Variants in C21orf58 observed in about 807,000 individuals in gnomAD.
The protein encoded by C21orf58 is chromosome 21 open reading frame 58, also known as uncharacterized protein C21orf58.
In C21orf58, 34 loss-of-function variants were observed where a neutral mutation model predicts 35.8. The ratio of observed to expected loss-of-function variants is 0.95; its 90% CI spans 0.72 to 1.26. The LOEUF (loss-of-function observed/expected upper bound fraction) is 1.26. C21orf58 is among the 50% of genes most tolerant of loss of function. The pLI, the probability that C21orf58 is intolerant of heterozygous loss-of-function variation, is 0.00. For synonymous variants in C21orf58, 191 were observed against 175.8 expected, an observed-to-expected ratio of 1.09 and a Z score of -0.68; for missense variants, 440 against 414.3, an observed-to-expected ratio of 1.06 and a Z score of -0.54.
chr21:46,303,745 A>ATATT (rs2082273893), intron 6 of C21orf58, among the ~76,000 whole-genome samples: 1 of 23,820 alleles, frequency 4.2e-5, no homozygotes, highest in African/African-American at 1.7e-4. Context: ...ATATATATAT[A>ATATT]TTTTTTTTTT....
chr21:46,306,896 T>G (rs2082442174), intron 6 of C21orf58, among the ~76,000 whole-genome samples: 1 of 141,880 alleles, frequency 7.0e-6, no homozygotes, highest in South Asian at 2.3e-4. Flanking sequence ...CCTCCCCTTA[T>G]TTTTATTTAT....
At position 46,322,718 on chromosome 21, in the gene C21orf58, A is replaced by G. The variant is rs1569143694; in HGVS notation, c.21T>C (p.Pro7=). 6.4e-7 allele frequency: 1 copy of G among 1,553,478 alleles called. No individual in the cohort carries two copies. Among genetic ancestry groups the G allele is most frequent in the Non-Finnish European group, 8.7e-7 (1 of 1,148,504 alleles). The change falls in exon 1 of 8, where the codon CCT becomes CCC. Residue 7 remains proline (P), a synonymous_variant. Transcript: ENST00000291691. MARSRL[P]ATSLRKPWKL... ...TCCACGGCTTCCTGAGGGAGGTTGC[A>G]GGGAGCCGAGATCGCGCCATTGCGC... is the stretch of plus-strand genomic sequence containing the variant.
chr21:46,305,189 C>T (rs765822058), intron 6 of C21orf58, among the ~76,000 whole-genome samples: 7 of 151,948 alleles, frequency 4.6e-5, no homozygotes, highest in South Asian at 2.1e-4. Context: ...CGTAGTCCGA[C>T]GGGTGGAGTC....
rs1361791067 is a variant in C21orf58, at chr21:46,314,851, C to T, written c.474G>A (p.Arg158=). 2 of 1,550,374 alleles carry T rather than the reference C, an allele frequency of 1.3e-6. No individual in the cohort carries two copies. Among genetic ancestry groups the T allele is most frequent in the Non-Finnish European group, 1.7e-6 (2 of 1,146,900 alleles). ...REQHLLDELS[R]AQAWSGPSRG... is the part of the protein sequence containing the mutation. ...TGCTTGGCCCGCTCCAGGCCTGGGC[C>T]CGAGAGAGCTCGTCCAGGAGGTGTT... is the stretch of plus-strand genomic sequence containing the variant. Residue 158 remains arginine (R), a synonymous_variant, in exon 5 of 8, where the codon CGG becomes CGA. Coordinates refer to ENST00000291691, the MANE Select transcript of C21orf58 (RefSeq NM_058180.5).
chr21:46,308,471 A>G lies in C21orf58; in HGVS notation c.721+2985T>C, dbSNP rs370290604. ...GTGAGACTCCATCTCAAAAAAAAAGAGTTAAATCTCATATGATTCAGACAT... is the reference window on the plus strand; with the variant it reads ...GTGAGACTCCATCTCAAAAAAAAAGGGTTAAATCTCATATGATTCAGACAT... On this transcript the variant is annotated intron_variant, in intron 6 of 7. Coordinates refer to ENST00000291691, the MANE Select transcript of C21orf58 (RefSeq NM_058180.5). 2.4e-4 allele frequency among the ~76,000 whole-genome samples: 37 copies of G among 152,188 alleles called. No homozygotes were observed. In the South Asian group the frequency reaches 7.5e-3, roughly 31 times the overall value.
chr21:46,322,593 C>G (rs781384407), intron 1 of C21orf58, 46 bp downstream of exon 1: 2 of 1,446,098 alleles, frequency 1.4e-6, no homozygotes, highest in East Asian at 5.2e-5. Context: ...TCAAACCACC[C>G]AATTCCGAGT....
At chr21:46,321,901 C>CTTTT (rs397867797) in intron 1 of C21orf58, among the ~76,000 whole-genome samples, 17 of 119,122 alleles carry the variant, frequency 1.4e-4, no homozygotes, top group African/African-American at 1.9e-4. Flanking sequence ...ATCTGGGCAG[C>CTTTT]TTTTTTTTTT....
In C21orf58 at chr21:46,304,625, G is replaced by A. The variant is rs200472699; in HGVS notation, c.722-2049C>T. Among the ~76,000 whole-genome samples, 5 of 152,340 alleles carry A rather than the reference G, an allele frequency of 3.3e-5. No individual in the cohort carries two copies. The East Asian group carries it at 9.6e-4, about 29-fold the overall frequency. On this transcript the variant is annotated intron_variant, in intron 6 of 7. Coordinates refer to ENST00000291691, the MANE Select transcript of C21orf58 (RefSeq NM_058180.5). Reference sequence around the variant, plus strand: ...AATGAAAAGTGTGAAAATGCCAAGTGTTGGTGAAGTGCTCTGGCGACTGAA... The same window carrying A: ...AATGAAAAGTGTGAAAATGCCAAGTATTGGTGAAGTGCTCTGGCGACTGAA...
chr21:46,313,072 T>G, intron 5 of C21orf58: 3 of 985,410 alleles, frequency 3.0e-6, no homozygotes, highest in Non-Finnish European at 1.2e-6. Flanking sequence ...GACCAAGAGT[T>G]GGCAAACTTT....
intron 5 of C21orf58, among the ~76,000 whole-genome samples, chr21:46,313,452 G>A (rs564118117): frequency 6.6e-6 from 1 of 152,302 alleles, no homozygotes; most frequent in South Asian, 2.1e-4. Context: ...TACCTCAGGG[G>A]CTCTGAGTCC....
rs2082693090 is a variant in C21orf58 at position 46,311,621 on chromosome 21, C to A, written c.610-54G>T. 4 of 1,027,518 alleles carry A rather than the reference C, an allele frequency of 3.9e-6. No homozygotes were observed. In the African/African-American group the frequency reaches 6.3e-5, roughly 16 times the overall value. 63.7% of individuals were successfully genotyped at this position (1,027,518 alleles called of 1,614,324 possible). A position where few individuals can be genotyped will look rare whatever the true frequency, so the allele number is the denominator to read the frequency against. ...GCATATGTCCTTGAAGAAAGTGTCTCCAGTATCTACCACCCATCCATCCAC... is the reference window on the plus strand; with the variant it reads ...GCATATGTCCTTGAAGAAAGTGTCTACAGTATCTACCACCCATCCATCCAC... On this transcript the variant is annotated intron_variant, in intron 5 of 7. Coordinates refer to ENST00000291691, the MANE Select transcript of C21orf58 (RefSeq NM_058180.5).
rs117585672 is a variant in C21orf58, at chr21:46,318,196, C to T, written c.125G>A (p.Arg42His). 546 of 1,612,612 alleles carry T rather than the reference C, an allele frequency of 3.4e-4. 2 individuals are homozygous for T. In the East Asian group the frequency reaches 0.01, roughly 31 times the overall value. The change falls in exon 2 of 8, where the codon CGC (arginine) becomes CAC (histidine). Residue 42 changes from arginine to histidine, a missense_variant. By Grantham distance (29) the Arg-to-His change is conservative. Coordinates refer to ENST00000291691, the MANE Select transcript of C21orf58 (RefSeq NM_058180.5). Reference sequence around the variant, plus strand: ...CCAAGCACCGGTGTTGCCTGCAGGGCGGGCCTTACCTCCTGGAGACCAGCC... The same window carrying T: ...CCAAGCACCGGTGTTGCCTGCAGGGTGGGCCTTACCTCCTGGAGACCAGCC... ...LCGWSPGGKA[R>H]PAGNTGAWAP... is the part of the protein sequence containing the mutation.
chr21:46,318,929 CAT>C (rs1038872709), intron 1 of C21orf58: 27 of 875,560 alleles, frequency 3.1e-5, no homozygotes, highest in Admixed American at 6.2e-5. Context: ...GGCAGACTGA[CAT>C]GTGGGGGATG....
rs1569143913 is a variant in C21orf58, at chr21:46,322,774, C to CA, written c.-37dup. 5.8e-6 allele frequency: 8 copies of CA among 1,372,764 alleles called. No individual in the cohort carries two copies. The highest frequency in any genetic ancestry group is 2.4e-4 in the Middle Eastern group (1 of 4,156). The allele number at this position is 1,372,764 out of a possible 1,614,324, so 85.0% of individuals were successfully genotyped here. ...CCTGGGCGTCGCAGCGAGACTGTCT[C>CA]AAAAAAAGAAAAAAAATTCTGAGCG... On this transcript the variant is annotated 5_prime_UTR_variant, in exon 1 of 8. Coordinates refer to ENST00000291691, the MANE Select transcript of C21orf58 (RefSeq NM_058180.5).
rs2083256346 is a variant in C21orf58 at position 46,323,760 on chromosome 21, G to A, written c.-1022C>T. 3.8e-6 allele frequency: 1 copy of A among 261,036 alleles called. No individual in the cohort carries two copies. Among genetic ancestry groups the A allele is most frequent in the Non-Finnish European group, 7.5e-6 (1 of 132,604 alleles). The allele number at this position is 261,036 out of a possible 1,614,324, so 16.2% of individuals were successfully genotyped here. On this transcript the variant is annotated 5_prime_UTR_variant, in exon 1 of 8. Transcript: ENST00000291691. ...AAAACGGCCTGGCCCTGTCCGGGTG[G>A]TTGCTGAGCACCGTTCGGCGCCGCC... is the stretch of plus-strand genomic sequence containing the variant.
intron 6 of C21orf58, among the ~76,000 whole-genome samples, chr21:46,307,423 C>CAT (rs1293684575): frequency 2.6e-5 from 4 of 152,018 alleles, no homozygotes; most frequent in African/African-American, 9.7e-5. Context: ...GAACCTATGG[C>CAT]ATACAAGCAT....
In C21orf58 at chr21:46,302,496, G is replaced by C. The variant is rs758265686; in HGVS notation, c.802C>G (p.Pro268Ala). 2 of 1,610,748 alleles carry C rather than the reference G, an allele frequency of 1.2e-6. No individual in the cohort carries two copies. The highest frequency in any genetic ancestry group is 1.7e-6 in the Non-Finnish European group (2 of 1,178,206). Residue 268 changes from proline to alanine, a missense_variant, in exon 7 of 8, where the codon CCA becomes GCA. By Grantham distance (27) the Pro-to-Ala change is conservative (BLOSUM62 -1). Coordinates refer to ENST00000291691, the MANE Select transcript of C21orf58 (RefSeq NM_058180.5). ...GGGGCTAAGCCTACCTGCAGGGCTG[G>C]GGGCAGGGCCTTGAGCATCCAGTTC... is the stretch of plus-strand genomic sequence containing the variant. The part of the protein sequence containing the change: ...LQNWMLKALP[P>A]ALQDPPHVPP...
chr21:46,304,794 C>A (rs2082338254), intron 6 of C21orf58, among the ~76,000 whole-genome samples: 1 of 152,206 alleles, frequency 6.6e-6, no homozygotes, highest in Non-Finnish European at 1.5e-5. Flanking sequence ...AGCCTGGAAT[C>A]TTGAGCGGGG....
At chr21:46,322,493 A>T in intron 1 of C21orf58, 146 bp downstream of exon 1, 1 of 1,273,622 alleles carries the variant, frequency 7.9e-7, no homozygotes, top group Non-Finnish European at 1.0e-6. Context: ...CTGTTCCTGG[A>T]AAGTGTGATC....
Sources: gnomAD v4.1 joint callset for allele counts (sites outside exome capture counted in the v4.1 genomes callset) on GRCh38, gnomAD v4.1.1 for gene constraint, MANE v1.5 for transcripts, NCBI Gene and HGNC (gene_info 2026-07-23, HGNC 2026-07-21) for gene names.